PGAP4: variants seen among roughly 807,000 people sequenced by gnomAD.
The protein encoded by PGAP4 is post-GPI attachment to proteins GalNAc transferase 4, also known as GPI-N-acetylgalactosamine transferase PGAP4.
Under a neutral mutation model 28.2 loss-of-function variants are expected in PGAP4, and 12 were observed. The ratio of observed to expected loss-of-function variants is 0.42; its 90% CI spans 0.27 to 0.69. PGAP4 has a LOEUF of 0.69. PGAP4 is among the 30% of genes least tolerant of loss of function. The pLI is 0.22. For missense variants in PGAP4, 425 were observed against 513.5 expected, an observed-to-expected ratio of 0.83 and a Z score of 1.67; for synonymous variants, 205 against 211.8, an observed-to-expected ratio of 0.97 and a Z score of 0.28.
At chr9:101,522,830 T>C (rs1826999764) in intron 2 of PGAP4, among the ~76,000 whole-genome samples, 2 of 152,242 alleles carry the variant, frequency 1.3e-5, no homozygotes, top group South Asian at 4.1e-4. Context: ...CTGTGTAATT[T>C]ATGCTTTAAA....
At chr9:101,490,549 C>A (rs577053140), upstream of PGAP4, among the ~76,000 whole-genome samples, 1 of 152,346 alleles carries the variant, frequency 6.6e-6, no homozygotes, top group African/African-American at 2.4e-5. Context: ...TGAGTTCCTT[C>A]AGTTTTCCAC....
chr9:101,489,195 A>G (rs1351702069), upstream of PGAP4: 5 of 152,200 alleles, frequency 3.3e-5, no homozygotes, highest in African/African-American at 1.2e-4. Context: ...TCAACATGCT[A>G]TATTTCTTCT....
At chr9:101,510,608 C>A (rs769860253) in intron 2 of PGAP4, among the ~76,000 whole-genome samples, 1 of 152,124 alleles carries the variant, frequency 6.6e-6, no homozygotes, top group Non-Finnish European at 1.5e-5. Context: ...TTTTTGCTCA[C>A]AGTCTTAGTC....
At position 101,498,298 on chromosome 9, in the gene PGAP4, G is replaced by A. The variant is rs944795259; in HGVS notation, c.-164-9098C>T. ...AGTCTTTTGTTTGCCAGTCTGATTTGTTTGATTAGCACATGAGGGCAGGGA... is the reference window on the plus strand; with the variant it reads ...AGTCTTTTGTTTGCCAGTCTGATTTATTTGATTAGCACATGAGGGCAGGGA... On this transcript the variant is annotated intron_variant, in intron 2 of 3. Coordinates refer to the PGAP4 transcript ENST00000374851. Among the ~76,000 whole-genome samples, 7 of 151,500 alleles carry A rather than the reference G, an allele frequency of 4.6e-5. No individual in the cohort carries two copies. In the Admixed American group the frequency reaches 4.6e-4, roughly 10 times the overall value.
At chr9:101,492,480 T>C (rs935334917) in intron 2 of PGAP4, among the ~76,000 whole-genome samples, 2 of 152,194 alleles carry the variant, frequency 1.3e-5, no homozygotes, top group South Asian at 2.1e-4. Context: ...GATACTAACA[T>C]AGCATCTCTA....
At chr9:101,514,418 CAA>C (rs1441952585) in intron 2 of PGAP4, among the ~76,000 whole-genome samples, 1 of 152,020 alleles carries the variant, frequency 6.6e-6, no homozygotes, top group Non-Finnish European at 1.5e-5. Flanking sequence ...GGAAAAATAA[CAA>C]TATAGTAAAG....
At chr9:101,497,526 T>C (rs1041099260) in intron 2 of PGAP4, among the ~76,000 whole-genome samples, 1 of 151,630 alleles carries the variant, frequency 6.6e-6, no homozygotes, top group Non-Finnish European at 1.5e-5. Context: ...TTCATAACTC[T>C]CATGCCAAAC....
chr9:101,480,877 G>T (rs1394772131), intron 1 of PGAP4, among the ~76,000 whole-genome samples: 1 of 152,162 alleles, frequency 6.6e-6, no homozygotes, highest in Non-Finnish European at 1.5e-5. Flanking sequence ...TACTGATCTG[G>T]TTTTAAGAAG....
At chr9:101,485,704 A>G (rs1826597241) in intron 1 of PGAP4, among the ~76,000 whole-genome samples, 1 of 152,226 alleles carries the variant, frequency 6.6e-6, no homozygotes, top group South Asian at 2.1e-4. Flanking sequence ...TCAAATGTGT[A>G]TACATAGAGA....
chr9:101,480,044 T>C (rs1242718078), intron 1 of PGAP4: 3 of 151,440 alleles, frequency 2.0e-5, no homozygotes, highest in Non-Finnish European at 4.4e-5. Flanking sequence ...AAAATGAAGA[T>C]TCAATAGAAA....
upstream of PGAP4, among the ~76,000 whole-genome samples, chr9:101,490,674 A>G (rs1229321974): frequency 2.0e-5 from 3 of 152,178 alleles, no homozygotes; most frequent in Non-Finnish European, 2.9e-5. Context: ...TCCCATTGGT[A>G]TTGTAATCAA....
chr9:101,519,002 C>T (rs1178816322), intron 2 of PGAP4, among the ~76,000 whole-genome samples: 1 of 152,102 alleles, frequency 6.6e-6, no homozygotes, highest in Admixed American at 6.6e-5. Flanking sequence ...TTGATTATGG[C>T]CATTCTTGCA....
At position 101,476,004 on chromosome 9, in the gene PGAP4, G is replaced by A. The variant is rs1261642670; in HGVS notation, c.1089C>T (p.Asp363=). 3.1e-6 allele frequency: 5 copies of A among 1,614,206 alleles called. No individual in the cohort carries two copies. The East Asian group carries it at 1.1e-4, about 36-fold the overall frequency. Residue 363 remains aspartate (D), a synonymous_variant, in exon 2 of 2, where the codon GAC becomes GAT. Coordinates refer to ENST00000374848, the MANE Select transcript of PGAP4 (RefSeq NM_032342.3). This position sits in a 1 kb window ranked among gnomAD's most constrained non-coding sequence, Gnocchi z 7.0. ...CCCTCAACAGCGAGTACAGTGCCAT[G>A]TCCTTGCCAAAGCCCTTGTGGCAGT... ...QVYCHKGFGK[D]MALYSLLRAK...
At chr9:101,514,551 C>A (rs1022956681) in intron 2 of PGAP4, among the ~76,000 whole-genome samples, 1 of 151,882 alleles carries the variant, frequency 6.6e-6, no homozygotes. Context: ...TGCCTGTGTG[C>A]GTGTGTGTGC....
Position 101,486,606 on chromosome 9 carries a change from C to T in PGAP4, c.-78+343G>A, listed in dbSNP as rs1389511097. On this transcript the variant is annotated intron_variant, in intron 1 of 1. Coordinates refer to ENST00000374848, the MANE Select transcript of PGAP4 (RefSeq NM_032342.3). The surrounding 1 kb of genome is among the most constrained non-coding windows in gnomAD (Gnocchi z 4.7). The stretch of plus-strand genomic sequence containing the variant: ...CGCCCCGCTCGCGTCCTTCTATTGA[C>T]CTGTCAGCGCAGCTGGCGCAGGCAA... Among the ~76,000 whole-genome samples, 1 of 152,190 alleles carries T rather than the reference C, an allele frequency of 6.6e-6. No homozygotes were observed. Among genetic ancestry groups the T allele is most frequent in the Non-Finnish European group, 1.5e-5 (1 of 68,028 alleles).
chr9:101,517,742 G>T (rs936278107), intron 2 of PGAP4, among the ~76,000 whole-genome samples: 20 of 152,144 alleles, frequency 1.3e-4, no homozygotes, highest in African/African-American at 4.3e-4. Flanking sequence ...CTCAGTGACT[G>T]CTGTGAGCTG....
intron 2 of PGAP4, among the ~76,000 whole-genome samples, chr9:101,527,948 A>C (rs1221433513): frequency 1.3e-5 from 2 of 151,968 alleles, no homozygotes; most frequent in Admixed American, 1.3e-4. Context: ...ACCCATGTGG[A>C]TTTTCTTGGA....
At chr9:101,522,701 C>T (rs1826999211) in intron 2 of PGAP4, among the ~76,000 whole-genome samples, 1 of 152,016 alleles carries the variant, frequency 6.6e-6, no homozygotes, top group East Asian at 1.9e-4. Flanking sequence ...TGGAGCATTA[C>T]TTACATTCAA....
chr9:101,519,625 ATATATG>A (rs1483663689), intron 2 of PGAP4, among the ~76,000 whole-genome samples: 14 of 150,464 alleles, frequency 9.3e-5, no homozygotes, highest in Admixed American at 6.7e-5. Context: ...TATTTACTAT[ATATATG>A]TATATGTATG....
Sources: gnomAD v4.1 joint callset for allele counts (sites outside exome capture counted in the v4.1 genomes callset) on GRCh38, gnomAD v4.1.1 for gene constraint, Gnocchi (gnomAD v3.1) non-coding constraint, MANE v1.5 for transcripts, NCBI Gene and HGNC (gene_info 2026-07-23, HGNC 2026-07-21) for gene names.